NBEAL1: variants seen among roughly 807,000 people sequenced by gnomAD.
NBEAL1 encodes the protein neurobeachin like 1, also known as neurobeachin-like protein 1.
A neutral mutation model predicts 351.3 loss-of-function variants in NBEAL1; 273 were observed. That is an observed-to-expected ratio of 0.78 (90% confidence interval 0.70 to 0.86). NBEAL1 has a LOEUF of 0.86. Among genes scored for constraint, NBEAL1 ranks in the 40% least tolerant of loss-of-function variants. The probability of loss-of-function intolerance (pLI) is 0.00; values close to 1 mark genes in which losing one functional copy is unlikely to be tolerated. For missense variants in NBEAL1, 2,961 were observed against 3,201.3 expected (o/e 0.92, Z 1.81); for synonymous variants, 1,050 against 1,086.4 (o/e 0.97, Z 0.66).
chr2:203,121,857 C>T (rs974869157), intron 18 of NBEAL1, among the ~76,000 whole-genome samples: 5 of 152,086 alleles, frequency 3.3e-5, no homozygotes, highest in Non-Finnish European at 5.9e-5. Context: ...ACCGTGTCGG[C>T]TCACTGCAAC....
rs1293373119 is a variant in NBEAL1, at chr2:203,196,112, CCATAATCTGATGGA to C, written c.7039-1186_7039-1173del. On this transcript the variant is annotated intron_variant, in intron 47 of 55. Transcript: ENST00000683969. ...AAAACAACACAAGACCCTATTTGAC[CCATAATCTGATGGA>C]CATGCAATACTATATTTCTTCTATA... 3.3e-5 allele frequency among the ~76,000 whole-genome samples: 5 copies of C among 152,262 alleles called. No individual in the cohort carries two copies. In the East Asian group the frequency reaches 9.6e-4, roughly 29 times the overall value.
intron 2 of NBEAL1, among the ~76,000 whole-genome samples, chr2:203,035,045 A>G (rs978335041): frequency 1.3e-5 from 2 of 149,370 alleles, no homozygotes; most frequent in Admixed American, 6.7e-5. Flanking sequence ...CATAGAGCAA[A>G]TAAAGCATTC....
At chr2:203,084,847 C>T (rs1559354535) in intron 10 of NBEAL1, 1 of 222,782 alleles carries the variant, frequency 4.5e-6, no homozygotes, top group Non-Finnish European at 8.8e-6. Flanking sequence ...CCTTGAGGCC[C>T]TTTAAGTAAT....
At chr2:203,113,432 C>G (rs2062617514) in intron 17 of NBEAL1, 114 bp downstream of exon 17, 1 of 596,076 alleles carries the variant, frequency 1.7e-6, no homozygotes, top group African/African-American at 1.9e-5. Context: ...GAATATATTT[C>G]ATGTGAAGAG....
intron 19 of NBEAL1, among the ~76,000 whole-genome samples, chr2:203,123,342 C>CTT (rs556349216): frequency 3.6e-5 from 5 of 139,042 alleles, no homozygotes; most frequent in Non-Finnish European, 6.3e-5. Flanking sequence ...TTTCTTTTTT[C>CTT]TTTTTTTTTT....
At chr2:203,179,266 T>C (rs952395188) in intron 42 of NBEAL1, among the ~76,000 whole-genome samples, 1 of 152,232 alleles carries the variant, frequency 6.6e-6, no homozygotes, top group African/African-American at 2.4e-5. Context: ...CCATTTGAGC[T>C]TCATTCAGCT....
At chr2:203,179,660 G>A (rs566607989) in intron 42 of NBEAL1, among the ~76,000 whole-genome samples, 2 of 152,096 alleles carry the variant, frequency 1.3e-5, no homozygotes, top group African/African-American at 2.4e-5. Flanking sequence ...TAAATCAGCA[G>A]CGTTCCTATA....
chr2:203,122,681 C>T (rs1238887288), intron 19 of NBEAL1, among the ~76,000 whole-genome samples: 1 of 152,114 alleles, frequency 6.6e-6, no homozygotes, highest in Non-Finnish European at 1.5e-5. Context: ...GTTCTCAAAT[C>T]TTATTTTCCT....
At chr2:203,031,113 G>T (rs1050792528) in intron 2 of NBEAL1, among the ~76,000 whole-genome samples, 5 of 152,182 alleles carry the variant, frequency 3.3e-5, no homozygotes, top group African/African-American at 1.2e-4. Flanking sequence ...CCTGATGTAT[G>T]AATTGACCAT....
At chr2:203,026,397 TTAGTC>T (rs1406770877) in intron 2 of NBEAL1, among the ~76,000 whole-genome samples, 1 of 152,206 alleles carries the variant, frequency 6.6e-6, no homozygotes, top group Non-Finnish European at 1.5e-5. Context: ...ATGTGGATAA[TTAGTC>T]TATTATGTTG....
At chr2:203,169,339 A>G (rs556188529) in intron 38 of NBEAL1, among the ~76,000 whole-genome samples, 2 of 147,404 alleles carry the variant, frequency 1.4e-5, no homozygotes, top group East Asian at 2.1e-4. Context: ...GTGATAAAAA[A>G]TTTCTGAAGT....
intron 34 of NBEAL1, among the ~76,000 whole-genome samples, chr2:203,149,526 T>C (rs2063597033): frequency 6.6e-6 from 1 of 152,162 alleles, no homozygotes; most frequent in African/African-American, 2.4e-5. Context: ...TTTTGCTTAA[T>C]TATATTATCT....
chr2:203,127,932 GAACAGGTATT>G lies in NBEAL1; in HGVS notation c.3402_3405+6del, dbSNP rs2062980149. The stretch of plus-strand genomic sequence containing the variant: ...GTACATAGCTGCTACTAATGAAGAA[GAACAGGTATT>G]ATGCCTAAGATACATCTACTTTTCC... On this transcript the variant is annotated splice_donor_variant and splice_donor_5th_base_variant and coding_sequence_variant and intron_variant, in exon 24 of 56. Transcript: ENST00000683969. LOFTEE classifies it high-confidence loss of function. The G allele has an allele frequency of 6.5e-7, 1 of 1,548,154 alleles. No homozygotes were observed. The highest frequency in any genetic ancestry group is 8.7e-7 in the Non-Finnish European group (1 of 1,144,472).
At chr2:203,129,249 C>T (rs2063018226) in intron 24 of NBEAL1, among the ~76,000 whole-genome samples, 1 of 152,096 alleles carries the variant, frequency 6.6e-6, no homozygotes, top group Non-Finnish European at 1.5e-5. Context: ...AACTGATAAA[C>T]CTGAAACTAG....
chr2:203,026,211 G>GT (rs1042702071), intron 2 of NBEAL1, among the ~76,000 whole-genome samples: 3 of 151,894 alleles, frequency 2.0e-5, no homozygotes, highest in Admixed American at 6.6e-5. Context: ...ATTTATGTCT[G>GT]TTTTTTTGTG....
chr2:203,186,667 C>G (rs2064905642), intron 44 of NBEAL1, among the ~76,000 whole-genome samples: 1 of 152,096 alleles, frequency 6.6e-6, no homozygotes, highest in Non-Finnish European at 1.5e-5. Flanking sequence ...ACAGGAGTAT[C>G]TTTGTCAGCC....
chr2:203,182,777 G>A (rs1333703226), intron 43 of NBEAL1: 1 of 152,096 alleles, frequency 6.6e-6, no homozygotes, highest in African/African-American at 2.4e-5. Context: ...CTCATATTTG[G>A]GGAAATTTTA....
rs78709491 is a variant in NBEAL1 at position 203,117,846 on chromosome 2, CT to C, written c.2592+1790del. Among the ~76,000 whole-genome samples the C allele has an allele frequency of 2.4e-3, 334 of 139,092 alleles. 1 individual carries two copies. The highest frequency in any genetic ancestry group is 7.1e-3 in the Middle Eastern group (2 of 280). 91.2% of individuals were successfully genotyped at this position (139,092 alleles called of 152,430 possible). A position where few individuals can be genotyped will look rare whatever the true frequency, so the allele number is the denominator to read the frequency against. ...TACAGGCATGTGCCACCATGCTGAG[CT>C]TTTTTTTTTTTTTGTATTTTTTATA... On this transcript the variant is annotated intron_variant, in intron 18 of 55. Transcript: ENST00000683969.
chr2:203,073,957 A>C (rs2061723458), intron 7 of NBEAL1, among the ~76,000 whole-genome samples: 2 of 152,168 alleles, frequency 1.3e-5, no homozygotes, highest in Admixed American at 1.3e-4. Context: ...AATATTTTCA[A>C]ATTGGGGAAA....
Sources: allele counts gnomAD v4.1 joint callset (sites outside exome capture counted in the v4.1 genomes callset), GRCh38; gene constraint gnomAD v4.1.1; transcripts MANE v1.5; gene names NCBI Gene and HGNC (gene_info 2026-07-23, HGNC 2026-07-21).